The following TNRC6B variants were observed in gnomAD, a reference collection of about 807,000 sequenced individuals.
TNRC6B encodes trinucleotide repeat containing adaptor 6B, also known as trinucleotide repeat-containing gene 6B protein.
In TNRC6B, 52 loss-of-function variants were observed where a neutral mutation model predicts 203.6. The ratio of observed to expected loss-of-function variants is 0.26; its 90% CI spans 0.20 to 0.32. The LOEUF (loss-of-function observed/expected upper bound fraction) is 0.32. TNRC6B is among the 10% of genes least tolerant of loss of function. The probability of loss-of-function intolerance (pLI) is 1.00; values close to 1 mark genes in which losing one functional copy is unlikely to be tolerated. For synonymous variants in TNRC6B, 838 were observed against 845.7 expected, an observed-to-expected ratio of 0.99 and a Z score of 0.16; for missense variants, 1,923 against 2,286.2, an observed-to-expected ratio of 0.84 and a Z score of 3.24.
chr22:40,214,898 C>T (rs565199362), intron 1 of TNRC6B, among the ~76,000 whole-genome samples: 1 of 152,198 alleles, frequency 6.6e-6, no homozygotes, highest in Admixed American at 6.5e-5. Context: ...ACAATTATCT[C>T]AAAAAGTTAA....
chr22:40,259,732 G>A (rs2070346205), intron 3 of TNRC6B, among the ~76,000 whole-genome samples: 1 of 152,088 alleles, frequency 6.6e-6, no homozygotes, highest in Admixed American at 6.6e-5. Flanking sequence ...GCATAGATTG[G>A]GCCGCCTGAT....
intron 1 of TNRC6B, among the ~76,000 whole-genome samples, chr22:40,052,409 G>C (rs1476905717): frequency 7.4e-6 from 1 of 134,506 alleles, no homozygotes; most frequent in Non-Finnish European, 1.6e-5. Context: ...GTTCTCATTT[G>C]TGTGTACCTG....
chr22:40,332,206 A>T lies in TNRC6B; in HGVS notation c.*8965A>T, dbSNP rs1045713254. ...AATATTTCTTTCTTCCTTTTTAATCATGTTTAAGTGAACTTACTCTTAGTT... is the reference window on the plus strand; with the variant it reads ...AATATTTCTTTCTTCCTTTTTAATCTTGTTTAAGTGAACTTACTCTTAGTT... On this transcript the variant is annotated 3_prime_UTR_variant, in exon 23 of 23. Transcript: ENST00000454349. 2.6e-5 allele frequency: 4 copies of T among 152,476 alleles called. No individual in the cohort carries two copies. The highest frequency in any genetic ancestry group is 9.7e-5 in the African/African-American group (4 of 41,410). The allele number at this position is 152,476 out of a possible 1,614,324, so 9.4% of individuals were successfully genotyped here. A position where few individuals can be genotyped will look rare whatever the true frequency, so the allele number is the denominator to read the frequency against.
chr22:40,072,790 G>A (rs769364241), intron 1 of TNRC6B, among the ~76,000 whole-genome samples: 2 of 150,650 alleles, frequency 1.3e-5, no homozygotes, highest in African/African-American at 2.5e-5. Context: ...CTTGAACCTG[G>A]GAGGCGGAGG....
At chr22:40,281,865 A>G (rs1341055702) in intron 11 of TNRC6B, among the ~76,000 whole-genome samples, 1 of 152,172 alleles carries the variant, frequency 6.6e-6, no homozygotes, top group Non-Finnish European at 1.5e-5. Flanking sequence ...CTGGGGTTGG[A>G]TCTGGCAACC....
intron 12 of TNRC6B, 40 bp from the exon 13 acceptor site, chr22:40,300,415 G>T: frequency 6.7e-7 from 1 of 1,490,648 alleles, no homozygotes. Flanking sequence ...AAATTCTGAA[G>T]ATTCCTTTTC....
chr22:40,062,379 T>G (rs1201675119), intron 1 of TNRC6B, among the ~76,000 whole-genome samples: 1 of 152,022 alleles, frequency 6.6e-6, no homozygotes, highest in Non-Finnish European at 1.5e-5. Context: ...CAGCTGATTT[T>G]TGTATTTTTA....
At position 40,200,540 on chromosome 22, in the gene TNRC6B, G is replaced by A. The variant is rs570562200; in HGVS notation, c.5+22400G>A. Among the ~76,000 whole-genome samples, 7 of 151,438 alleles carry A rather than the reference G, an allele frequency of 4.6e-5. 1 individual carries two copies. The highest frequency in any genetic ancestry group is 2.6e-4 in the Admixed American group (4 of 15,212). ...TGACCTCAGGTGATCTGCCCGCCTC[G>A]GCCTCCCAAAGTGCTGGGATTACAG... On this transcript the variant is annotated intron_variant, in intron 1 of 22. Transcript: ENST00000454349.
intron 1 of TNRC6B, among the ~76,000 whole-genome samples, chr22:40,079,081 AAAAAG>A (rs1475517306): frequency 1.3e-5 from 2 of 151,958 alleles, no homozygotes; most frequent in African/African-American, 2.4e-5. Context: ...TCTCAAAAAA[AAAAAG>A]AAAAGAAAAA....
intron 1 of TNRC6B, among the ~76,000 whole-genome samples, chr22:40,053,415 T>A (rs1295951743): frequency 6.6e-6 from 1 of 152,144 alleles, no homozygotes; most frequent in Non-Finnish European, 1.5e-5. Context: ...ATTGCTGACA[T>A]TTGCTTGAGT....
chr22:40,186,079 A>G (rs942941396), intron 1 of TNRC6B, among the ~76,000 whole-genome samples: 1 of 152,110 alleles, frequency 6.6e-6, no homozygotes. Flanking sequence ...CGTGGAAGTG[A>G]TAGTCGAAGG....
chr22:40,075,663 G>C (rs1005279949), intron 1 of TNRC6B, among the ~76,000 whole-genome samples: 5 of 151,792 alleles, frequency 3.3e-5, no homozygotes, highest in Non-Finnish European at 7.4e-5. Flanking sequence ...TTTGCTGTTT[G>C]TTTTCTATTT....
intron 3 of TNRC6B, among the ~76,000 whole-genome samples, chr22:40,130,568 T>C (rs1317087257): frequency 6.6e-6 from 1 of 150,588 alleles, no homozygotes; most frequent in Admixed American, 6.6e-5. Flanking sequence ...GATCACGAGG[T>C]CAGGAGATCC....
chr22:40,061,407 G>T (rs954584774), intron 1 of TNRC6B, among the ~76,000 whole-genome samples: 6 of 151,016 alleles, frequency 4.0e-5, no homozygotes, highest in Non-Finnish European at 8.8e-5. Flanking sequence ...ATTTTTAGTA[G>T]CGACAGGGTT....
At chr22:40,170,930 C>G (rs572097884) in intron 4 of TNRC6B, among the ~76,000 whole-genome samples, 2 of 141,882 alleles carry the variant, frequency 1.4e-5, no homozygotes, top group Non-Finnish European at 3.0e-5. Flanking sequence ...TATATATACA[C>G]CCATATATGT....
At chr22:40,251,101 A>G (rs1317495306) in intron 2 of TNRC6B, 78 bp from the exon 3 acceptor site, 1 of 1,226,664 alleles carries the variant, frequency 8.2e-7, no homozygotes, top group Non-Finnish European at 1.1e-6. Context: ...TACTTGAGTT[A>G]TCAGACTAAA....
chr22:40,049,161 C>G (rs1367295233), intron 1 of TNRC6B, among the ~76,000 whole-genome samples: 2 of 152,026 alleles, frequency 1.3e-5, no homozygotes, highest in Non-Finnish European at 2.9e-5. Context: ...GCGGGTGGAT[C>G]ACGAGGTCAG....
intron 1 of TNRC6B, among the ~76,000 whole-genome samples, chr22:40,051,795 T>A (rs1367561987): frequency 6.6e-6 from 1 of 152,198 alleles, no homozygotes; most frequent in African/African-American, 2.4e-5. Flanking sequence ...AGGGGTGAAA[T>A]TGATTTTTAT....
intron 1 of TNRC6B, among the ~76,000 whole-genome samples, chr22:40,101,863 G>T (rs538016595): frequency 1.3e-5 from 2 of 152,158 alleles, no homozygotes; most frequent in South Asian, 4.1e-4. Flanking sequence ...ACACCCAACC[G>T]GTGTCGCTTC....
Sources: allele counts gnomAD v4.1 joint callset (sites outside exome capture counted in the v4.1 genomes callset), GRCh38; gene constraint gnomAD v4.1.1; transcripts MANE v1.5; gene names NCBI Gene and HGNC (gene_info 2026-07-23, HGNC 2026-07-21).